The following MMRN1 variants were observed in gnomAD, a reference collection of about 807,000 sequenced individuals.
MMRN1 encodes multimerin-1.
A neutral mutation model predicts 100.7 loss-of-function variants in MMRN1; 94 were observed. The ratio of observed to expected loss-of-function variants is 0.93; its 90% confidence interval spans 0.79 to 1.11. The LOEUF is 1.11. MMRN1 is among the 50% of genes least tolerant of loss of function. The probability of loss-of-function intolerance (pLI) is 0.00; values close to 1 mark genes in which losing one functional copy is unlikely to be tolerated. For synonymous variants in MMRN1, 575 were observed against 505.0 expected, an observed-to-expected ratio of 1.14 and a Z score of -1.86; for missense variants, 1,606 against 1,439.1, an observed-to-expected ratio of 1.12 and a Z score of -1.88.
chr4:89,928,739 T>C (rs1349889665), intron 5 of MMRN1, among the ~76,000 whole-genome samples: 2 of 152,194 alleles, frequency 1.3e-5, no homozygotes, highest in African/African-American at 2.4e-5. Context: ...TTGTGTTGAG[T>C]TCTCCCTGCA....
At chr4:89,948,338 G>C (rs932649145) in intron 6 of MMRN1, among the ~76,000 whole-genome samples, 1 of 152,078 alleles carries the variant, frequency 6.6e-6, no homozygotes, top group Admixed American at 6.5e-5. Flanking sequence ...ATTTGGAAAT[G>C]ATAACAAAGA....
intron 2 of MMRN1, among the ~76,000 whole-genome samples, chr4:89,910,439 C>T (rs543271670): frequency 2.0e-5 from 3 of 151,386 alleles, no homozygotes; most frequent in South Asian, 2.1e-4. Context: ...TCTTTATTCT[C>T]GAATCTTATC....
In MMRN1 at chr4:89,935,852, G is replaced by A. The variant is rs868095781; in HGVS notation, c.2172G>A (p.Met724Ile). 1 of 1,612,752 alleles carries A rather than the reference G, an allele frequency of 6.2e-7. No individual in the cohort carries two copies. Among genetic ancestry groups the A allele is most frequent in the Non-Finnish European group, 8.5e-7 (1 of 1,179,388 alleles). The change falls in exon 6 of 8, where the codon ATG (methionine) becomes ATA (isoleucine). Residue 724 changes from methionine to isoleucine, a missense_variant. By Grantham distance (10) the Met-to-Ile change is conservative. Transcript: ENST00000264790. Reference protein sequence around the residue: ...ERRINEYALEMEDGLNKTMTI... With the variant: ...ERRINEYALEIEDGLNKTMTI... ...GTATCAATGAATATGCCTTAGAAATGGAAGATGGCCTCAATAAGACAATGA... is the reference window on the plus strand; with the variant it reads ...GTATCAATGAATATGCCTTAGAAATAGAAGATGGCCTCAATAAGACAATGA...
At chr4:89,897,924 T>A (rs1184117686) in intron 1 of MMRN1, among the ~76,000 whole-genome samples, 1 of 152,166 alleles carries the variant, frequency 6.6e-6, no homozygotes, top group Non-Finnish European at 1.5e-5. Flanking sequence ...TGAACAGAAC[T>A]TTATCCTCTG....
rs191123718 is a variant in MMRN1 at position 89,903,978 on chromosome 4, A to G, written c.624-5298A>G. On this transcript the variant is annotated intron_variant, in intron 1 of 7. Transcript: ENST00000264790. ...TATGTGTGCAGTTAAAAGGAGAATA[A>G]AAATCTTGTCCAGCAGGCAGAACTT... Among the ~76,000 whole-genome samples the G allele has an allele frequency of 8.8e-4, 133 of 151,678 alleles. 1 individual carries two copies. Among genetic ancestry groups the G allele is most frequent in the Admixed American group, 4.4e-3 (66 of 15,170 alleles).
chr4:89,918,326 A>G (rs1178579304), intron 3 of MMRN1, among the ~76,000 whole-genome samples: 4 of 151,790 alleles, frequency 2.6e-5, no homozygotes, highest in African/African-American at 7.2e-5. Flanking sequence ...CATTTCTGTT[A>G]GAGTGTCATC....
At chr4:89,947,069 G>A (rs1435922838) in intron 6 of MMRN1, among the ~76,000 whole-genome samples, 1 of 152,142 alleles carries the variant, frequency 6.6e-6, no homozygotes, top group East Asian at 1.9e-4. Context: ...ATCACCTGAG[G>A]TTGGAAGTTT....
In MMRN1 at chr4:89,935,797, T is replaced by A. The variant is rs765574946; in HGVS notation, c.2117T>A (p.Val706Glu). ...AGACACAACTTACTTAGAAATGAAG[T>A]ACAGGGTCGTGATGATGCCTTAGAA... ...TKRHNLLRNE[V>E]QGRDDALERR... The change falls in exon 6 of 8, where the codon GTA becomes GAA. Residue 706 changes from valine (V) to glutamate (E), a missense_variant. By Grantham distance (121) the Val-to-Glu change is moderately radical. Transcript: ENST00000264790. 2 of 1,613,270 alleles carry A rather than the reference T, an allele frequency of 1.2e-6. No individual in the cohort carries two copies. The highest frequency in any genetic ancestry group is 1.7e-6 in the Non-Finnish European group (2 of 1,179,638).
rs776611812 is a variant in MMRN1, at chr4:89,935,203, A to C, written c.1523A>C (p.Lys508Thr). Reference protein sequence around the residue: ...RSILYYESLNKTLSKLKEVHE... With the variant: ...RSILYYESLNTTLSKLKEVHE... Reference sequence around the variant, plus strand: ...ATTCTGTATTATGAATCCCTCAATAAAACTCTTTCTAAATTGAAGGAAGTA... The same window carrying C: ...ATTCTGTATTATGAATCCCTCAATACAACTCTTTCTAAATTGAAGGAAGTA... Residue 508 changes from lysine (K) to threonine (T), a missense_variant, in exon 6 of 8, where the codon AAA (lysine) becomes ACA (threonine). Transcript: ENST00000264790. 3.5e-5 allele frequency: 57 copies of C among 1,613,296 alleles called. No homozygotes were observed. Among genetic ancestry groups the C allele is most frequent in the Non-Finnish European group, 4.4e-5 (52 of 1,179,714 alleles).
At position 89,908,054 on chromosome 4, in the gene MMRN1, T is replaced by C. The variant is rs529522639; in HGVS notation, c.624-1222T>C. On this transcript the variant is annotated intron_variant, in intron 1 of 7. Transcript: ENST00000264790. Reference sequence around the variant, plus strand: ...GATATTTCTGTCTGGCCCCCTCATTTTATTAATCTTTAACACATTTTTTAA... The same window carrying C: ...GATATTTCTGTCTGGCCCCCTCATTCTATTAATCTTTAACACATTTTTTAA... Among the ~76,000 whole-genome samples the C allele has an allele frequency of 4.0e-5, 6 of 151,414 alleles. No homozygotes were observed. The South Asian group carries it at 1.2e-3, about 31-fold the overall frequency.
At position 89,906,745 on chromosome 4, in the gene MMRN1, C is replaced by T. The variant is rs575235440; in HGVS notation, c.624-2531C>T. 5.3e-5 allele frequency among the ~76,000 whole-genome samples: 8 copies of T among 151,466 alleles called. No individual in the cohort carries two copies. In the South Asian group the frequency reaches 1.7e-3, roughly 31 times the overall value. On this transcript the variant is annotated intron_variant, in intron 1 of 7. Transcript: ENST00000264790. ...AGCTTATTTCATTGGTAGCATAAAC[C>T]TAATTATGAGTCACACCAGGGGCTC... is the stretch of plus-strand genomic sequence containing the variant.
intron 1 of MMRN1, among the ~76,000 whole-genome samples, chr4:89,902,634 A>G (rs920373536): frequency 2.0e-5 from 3 of 151,968 alleles, no homozygotes; most frequent in African/African-American, 7.2e-5. Context: ...GTCATCTATC[A>G]TTGAAAACTC....
chr4:89,891,498 TG>T (rs1306447781), upstream of MMRN1, among the ~76,000 whole-genome samples: 1 of 152,106 alleles, frequency 6.6e-6, no homozygotes, highest in African/African-American at 2.4e-5. Context: ...TAACTTCCCA[TG>T]AGTATAACAA....
rs112738639 is a variant in MMRN1, at chr4:89,908,765, T to A, written c.624-511T>A. Among the ~76,000 whole-genome samples, 17 of 151,686 alleles carry A rather than the reference T, an allele frequency of 1.1e-4. 1 individual carries two copies. The highest frequency in any genetic ancestry group is 3.9e-4 in the African/African-American group (16 of 41,498). On this transcript the variant is annotated intron_variant, in intron 1 of 7. Coordinates refer to ENST00000264790, the MANE Select transcript of MMRN1 (RefSeq NM_007351.3). ...TATATTTGATTACATTGCTGAATTG[T>A]CTTTTTAATTATAATAATCGGCATC... is the stretch of plus-strand genomic sequence containing the variant.
At chr4:89,951,792 C>T (rs1723189264) in intron 7 of MMRN1, 41 bp downstream of exon 7, 1 of 1,587,386 alleles carries the variant, frequency 6.3e-7, no homozygotes, top group African/African-American at 1.4e-5. Flanking sequence ...TGCTCATTGT[C>T]ATAAATAGAA....
At chr4:89,884,037 T>A (rs1720878569) in intron 1 of MMRN1, among the ~76,000 whole-genome samples, 1 of 152,122 alleles carries the variant, frequency 6.6e-6, no homozygotes, top group Admixed American at 6.6e-5. Flanking sequence ...AAAATTGGTA[T>A]AGATTGATTT....
intron 1 of MMRN1, among the ~76,000 whole-genome samples, chr4:89,898,960 T>C (rs1024752655): frequency 6.6e-6 from 1 of 152,264 alleles, no homozygotes; most frequent in East Asian, 1.9e-4. Context: ...AATCAATATT[T>C]AATCATACTG....
intron 6 of MMRN1, among the ~76,000 whole-genome samples, chr4:89,945,533 T>A (rs1722961596): frequency 6.6e-6 from 1 of 152,176 alleles, no homozygotes; most frequent in South Asian, 2.1e-4. Flanking sequence ...CATAGTTATA[T>A]CTCACTGTGG....
rs563551981 is a variant in MMRN1 at position 89,953,811 on chromosome 4, A to T, written c.*393A>T. On this transcript the variant is annotated 3_prime_UTR_variant, in exon 8 of 8. Transcript: ENST00000264790. ...GTTATTCCCTGTATATAAATATATA[A>T]CACACATTTTCTAGATTCACAAATT... 9 of 154,498 alleles carry T rather than the reference A, an allele frequency of 5.8e-5. No individual in the cohort carries two copies. Among genetic ancestry groups the T allele is most frequent in the African/African-American group, 2.2e-4 (9 of 41,684 alleles). 9.6% of individuals were successfully genotyped at this position (154,498 alleles called of 1,614,324 possible). A position where few individuals can be genotyped will look rare whatever the true frequency, so the allele number is the denominator to read the frequency against.
Sources: allele counts gnomAD v4.1 joint callset (sites outside exome capture counted in the v4.1 genomes callset), GRCh38; gene constraint gnomAD v4.1.1; transcripts MANE v1.5; gene names NCBI Gene and HGNC (gene_info 2026-07-23, HGNC 2026-07-21).